Variants in PIK3C3 observed in about 807,000 individuals in gnomAD.
The protein encoded by PIK3C3 is PI3-kinase type 3.
A neutral mutation model predicts 126.1 loss-of-function variants in PIK3C3; 95 were observed. The observed-to-expected ratio is 0.75, with a 90% CI of 0.64 to 0.89. The LOEUF is 0.89. Among genes scored for constraint, PIK3C3 ranks in the 40% least tolerant of loss-of-function variants. The pLI, the probability that PIK3C3 is intolerant of heterozygous loss-of-function variation, is 0.00. For missense variants in PIK3C3, 829 were observed against 1,063.2 expected (o/e 0.78, Z 3.06); for synonymous variants, 374 against 360.0 (o/e 1.04, Z -0.44).
At chr18:42,064,582 G>A in intron 22 of PIK3C3, 158 bp from the exon 23 acceptor site, 1 of 565,048 alleles carries the variant, frequency 1.8e-6, no homozygotes, top group South Asian at 2.4e-5. Context: ...ATTTGTCAAG[G>A]CTTGCATTTC....
At chr18:41,963,262 C>T (rs1568111246) in intron 3 of PIK3C3, among the ~76,000 whole-genome samples, 2 of 152,140 alleles carry the variant, frequency 1.3e-5, no homozygotes, top group Non-Finnish European at 2.9e-5. Context: ...TTACTTAGTT[C>T]ATATAGGAAA....
chr18:41,955,736 T>C (rs572947133), intron 1 of PIK3C3, among the ~76,000 whole-genome samples: 2 of 152,114 alleles, frequency 1.3e-5, no homozygotes, highest in East Asian at 3.9e-4. Context: ...GCTTGTAGGG[T>C]GGAATGAAGG....
chr18:42,034,905 A>T (rs1166472393), intron 16 of PIK3C3, among the ~76,000 whole-genome samples: 1 of 152,170 alleles, frequency 6.6e-6, no homozygotes, highest in Non-Finnish European at 1.5e-5. Flanking sequence ...TTTCAAGGCA[A>T]CCTCATATTT....
intron 24 of PIK3C3, among the ~76,000 whole-genome samples, chr18:42,068,370 C>A (rs2144521934): frequency 6.6e-6 from 1 of 152,272 alleles, no homozygotes; most frequent in Admixed American, 6.5e-5. Flanking sequence ...TACTCTCTTT[C>A]TCTAAATATT....
chr18:42,086,393 A>T lies in PIK3C3; in HGVS notation c.*5256A>T, dbSNP rs1006421237. 1 of 152,086 alleles carries T rather than the reference A, an allele frequency of 6.6e-6. No individual in the cohort carries two copies. Among genetic ancestry groups the T allele is most frequent in the Non-Finnish European group, 1.5e-5 (1 of 68,056 alleles). 9.4% of individuals were successfully genotyped at this position (152,086 alleles called of 1,614,324 possible). ...TGTCAGAGACATTTGAACTAGAGCA[A>T]CTCCATCTTGAGTAGGGACTGGGTA... On this transcript the variant is annotated 3_prime_UTR_variant, in exon 25 of 25. Transcript: ENST00000262039.
chr18:42,012,465 G>A (rs1180089794), intron 10 of PIK3C3, among the ~76,000 whole-genome samples: 1 of 152,168 alleles, frequency 6.6e-6, no homozygotes, highest in Non-Finnish European at 1.5e-5. Context: ...CTGATTATGA[G>A]TTTCAAGTGT....
chr18:42,034,644 A>G (rs898724255), intron 16 of PIK3C3, among the ~76,000 whole-genome samples: 7 of 152,048 alleles, frequency 4.6e-5, no homozygotes, highest in Non-Finnish European at 5.9e-5. Flanking sequence ...AGGTAGAAAC[A>G]GCTGATGCAG....
chr18:41,989,387 C>T (rs905478200), intron 5 of PIK3C3, among the ~76,000 whole-genome samples: 4 of 147,836 alleles, frequency 2.7e-5, no homozygotes, highest in African/African-American at 1.1e-4. Context: ...AGATGTAAAG[C>T]CATTTATAAA....
At chr18:42,026,232 A>G (rs1310000755) in intron 13 of PIK3C3, 2 of 152,222 alleles carry the variant, frequency 1.3e-5, no homozygotes, top group South Asian at 2.1e-4. Flanking sequence ...AAGTTTCACT[A>G]TTGATGAAGC....
chr18:42,015,648 T>G, intron 12 of PIK3C3, 82 bp downstream of exon 12: 1 of 901,200 alleles, frequency 1.1e-6, no homozygotes, highest in Non-Finnish European at 1.8e-6. Context: ...AACCTCAATT[T>G]TGATTAAATA....
At chr18:41,977,995 CT>C (rs1408952037) in intron 4 of PIK3C3, among the ~76,000 whole-genome samples, 4 of 151,796 alleles carry the variant, frequency 2.6e-5, no homozygotes, top group Non-Finnish European at 5.9e-5. Context: ...AGGGTCTCGC[CT>C]TTTTTCCCAG....
chr18:41,958,332 A>G (rs1178797770), intron 2 of PIK3C3, among the ~76,000 whole-genome samples: 3 of 152,148 alleles, frequency 2.0e-5, no homozygotes, highest in Non-Finnish European at 2.9e-5. Context: ...ACTTCTTGAC[A>G]CTTCTTATTT....
At chr18:41,958,425 C>T (rs896023620) in intron 2 of PIK3C3, among the ~76,000 whole-genome samples, 1 of 152,088 alleles carries the variant, frequency 6.6e-6, no homozygotes, top group Non-Finnish European at 1.5e-5. Context: ...GATACACAGG[C>T]TGTATGCTTT....
intron 6 of PIK3C3, among the ~76,000 whole-genome samples, chr18:41,991,056 G>A (rs1439409045): frequency 1.3e-5 from 2 of 152,054 alleles, no homozygotes; most frequent in African/African-American, 4.8e-5. Context: ...TTACCATCAG[G>A]CTGGGTAATA....
chr18:41,972,490 T>C (rs1980716556), intron 4 of PIK3C3, among the ~76,000 whole-genome samples: 1 of 152,096 alleles, frequency 6.6e-6, no homozygotes, highest in African/African-American at 2.4e-5. Flanking sequence ...AAAATGGGAA[T>C]AAAAATTAAT....
At chr18:41,987,281 C>CT (rs991708163) in intron 4 of PIK3C3, among the ~76,000 whole-genome samples, 5 of 151,966 alleles carry the variant, frequency 3.3e-5, no homozygotes, top group Admixed American at 1.3e-4. Context: ...AGGACTCTAC[C>CT]AACTGCTATT....
At chr18:42,053,026 T>C (rs946917256) in intron 21 of PIK3C3, 3 of 152,168 alleles carry the variant, frequency 2.0e-5, no homozygotes, top group Non-Finnish European at 4.4e-5. Flanking sequence ...GGTTTTGAAT[T>C]TCAATCAGAC....
intron 9 of PIK3C3, among the ~76,000 whole-genome samples, chr18:41,999,367 C>T (rs1982174429): frequency 6.6e-6 from 1 of 152,060 alleles, no homozygotes; most frequent in African/African-American, 2.4e-5. Flanking sequence ...AAATTAACTC[C>T]ATGCCTTTTG....
intron 22 of PIK3C3, among the ~76,000 whole-genome samples, chr18:42,061,357 T>C (rs622939): frequency 0.49 from 74,465 of 152,048 alleles, 19,772 homozygotes; most frequent in African/African-American, 0.7. Flanking sequence ...TCGAGGCAGG[T>C]AGATAACTTG....
Sources: allele counts gnomAD v4.1 joint callset (sites outside exome capture counted in the v4.1 genomes callset), GRCh38; gene constraint gnomAD v4.1.1; transcripts MANE v1.5; gene names NCBI Gene and HGNC (gene_info 2026-07-23, HGNC 2026-07-21).